RANBP17: variants seen among roughly 807,000 people sequenced by gnomAD.
RANBP17 encodes ran-binding protein 17.
In RANBP17, 158 loss-of-function variants were observed where a neutral mutation model predicts 141.2. The observed-to-expected ratio is 1.12, with a 90% CI of 0.98 to 1.28. The LOEUF (loss-of-function observed/expected upper bound fraction) is 1.28, where lower values mean the gene tolerates loss of function less well. Ranked by LOEUF, RANBP17 falls within the 50% of genes most tolerant of loss-of-function variation. The pLI is 0.00. For missense variants in RANBP17, 1,438 were observed against 1,290.7 expected, an observed-to-expected ratio of 1.11 and a Z score of -1.75; for synonymous variants, 430 against 450.0, an observed-to-expected ratio of 0.96 and a Z score of 0.56.
chr5:171,089,519 T>A (rs1400390099), intron 14 of RANBP17, among the ~76,000 whole-genome samples: 3 of 152,082 alleles, frequency 2.0e-5, no homozygotes, highest in Non-Finnish European at 4.4e-5. Flanking sequence ...TTTGTTTACC[T>A]AAGCAAGCCT....
At chr5:170,987,696 C>A (rs545081503) in intron 14 of RANBP17, among the ~76,000 whole-genome samples, 16 of 151,728 alleles carry the variant, frequency 1.1e-4, no homozygotes, top group African/African-American at 3.9e-4. Context: ...TTAAAAACGT[C>A]TTTGCTGTAT....
At chr5:171,068,794 T>A (rs1156323992) in intron 14 of RANBP17, among the ~76,000 whole-genome samples, 2 of 152,118 alleles carry the variant, frequency 1.3e-5, no homozygotes, top group Non-Finnish European at 2.9e-5. Context: ...TTTCACCATG[T>A]CGGCCAAGGT....
intron 14 of RANBP17, among the ~76,000 whole-genome samples, chr5:171,108,421 T>G (rs1039821811): frequency 6.6e-6 from 1 of 152,156 alleles, no homozygotes; most frequent in Admixed American, 6.6e-5. Context: ...TTTATTTATT[T>G]ATTTATTTTG....
At chr5:170,960,888 G>GCTGAGTA in intron 13 of RANBP17, among the ~76,000 whole-genome samples, 1 of 152,246 alleles carries the variant, frequency 6.6e-6, no homozygotes, top group South Asian at 2.1e-4. Flanking sequence ...CTGGGATACA[G>GCTGAGTA]GCTCCTGCCA....
At chr5:170,957,375 A>C (rs1775802033) in intron 13 of RANBP17, among the ~76,000 whole-genome samples, 1 of 152,130 alleles carries the variant, frequency 6.6e-6, no homozygotes, top group African/African-American at 2.4e-5. Flanking sequence ...TGAGACAATA[A>C]GAGAAAACAA....
chr5:171,223,355 TG>T (rs1763688320), intron 22 of RANBP17, among the ~76,000 whole-genome samples: 1 of 152,148 alleles, frequency 6.6e-6, no homozygotes, highest in Non-Finnish European at 1.5e-5. Context: ...TAAAGTGGGC[TG>T]GGCACAGTGG....
At chr5:171,141,775 A>G (rs1239469539) in intron 14 of RANBP17, among the ~76,000 whole-genome samples, 2 of 152,146 alleles carry the variant, frequency 1.3e-5, no homozygotes, top group Non-Finnish European at 2.9e-5. Flanking sequence ...CCAACATTCA[A>G]CTAAGTCACT....
chr5:171,054,484 C>T (rs1783208839), intron 14 of RANBP17, among the ~76,000 whole-genome samples: 1 of 152,112 alleles, frequency 6.6e-6, no homozygotes, highest in Admixed American at 6.5e-5. Flanking sequence ...TGTCATGGCA[C>T]TAGTGGGAGT....
chr5:170,902,597 G>A (rs1178139425), intron 5 of RANBP17, among the ~76,000 whole-genome samples: 1 of 152,196 alleles, frequency 6.6e-6, no homozygotes, highest in Admixed American at 6.5e-5. Context: ...AGGAGAACAG[G>A]TGTTCCAGTT....
intron 14 of RANBP17, among the ~76,000 whole-genome samples, chr5:171,069,100 G>GA (rs1391216943): frequency 2.6e-5 from 4 of 151,858 alleles, no homozygotes; most frequent in East Asian, 1.9e-4. Context: ...AAGTAAAGGA[G>GA]AAAAAAAATA....
chr5:171,059,208 T>G (rs1006470403), intron 14 of RANBP17, among the ~76,000 whole-genome samples: 4 of 152,104 alleles, frequency 2.6e-5, no homozygotes, highest in Non-Finnish European at 5.9e-5. Context: ...TTGCCATTGC[T>G]TTTGGTGTTT....
intron 5 of RANBP17, among the ~76,000 whole-genome samples, chr5:170,896,684 G>A (rs1306669482): frequency 2.6e-5 from 4 of 152,122 alleles, no homozygotes; most frequent in African/African-American, 2.4e-5. Flanking sequence ...ACAACAATTA[G>A]ATGGGCGTGG....
intron 14 of RANBP17, among the ~76,000 whole-genome samples, chr5:171,115,325 A>C (rs946008479): frequency 1.3e-5 from 2 of 152,152 alleles, no homozygotes; most frequent in Non-Finnish European, 2.9e-5. Flanking sequence ...AATTATTGAG[A>C]TCTAATACAA....
intron 25 of RANBP17, among the ~76,000 whole-genome samples, chr5:171,275,502 A>C (rs1158833008): frequency 6.6e-6 from 1 of 152,152 alleles, no homozygotes; most frequent in African/African-American, 2.4e-5. Flanking sequence ...TTCCATGTTT[A>C]CATTTCGGAG....
At chr5:171,120,047 A>C (rs543883633) in intron 14 of RANBP17, among the ~76,000 whole-genome samples, 43 of 151,810 alleles carry the variant, frequency 2.8e-4, no homozygotes, top group African/African-American at 9.7e-4. Flanking sequence ...CAAAAAAAAA[A>C]AAAAAAAAAA....
intron 14 of RANBP17, among the ~76,000 whole-genome samples, chr5:171,105,586 A>C (rs1305147598): frequency 6.6e-6 from 1 of 151,824 alleles, no homozygotes; most frequent in Non-Finnish European, 1.5e-5. Context: ...GTATGGTGGC[A>C]CACACCCTGT....
At chr5:171,218,707 G>T (rs114799136) in intron 21 of RANBP17, among the ~76,000 whole-genome samples, 5,903 of 151,844 alleles carry the variant, frequency 0.039, 367 homozygotes, top group African/African-American at 0.14. Flanking sequence ...TGTTTTATCA[G>T]AGACTAGATT....
At chr5:170,907,646 A>G (rs540893599) in intron 5 of RANBP17, among the ~76,000 whole-genome samples, 1 of 152,146 alleles carries the variant, frequency 6.6e-6, no homozygotes, top group South Asian at 2.1e-4. Flanking sequence ...ATCTTTTAAA[A>G]TCATCCTTTA....
At chr5:171,089,842 G>A (rs562326994) in intron 14 of RANBP17, among the ~76,000 whole-genome samples, 6 of 152,094 alleles carry the variant, frequency 3.9e-5, no homozygotes, top group Non-Finnish European at 7.4e-5. Context: ...GCACCCACTG[G>A]CCTGCGCCCA....
Sources: gnomAD v4.1 joint callset for allele counts (sites outside exome capture counted in the v4.1 genomes callset) on GRCh38, gnomAD v4.1.1 for gene constraint, MANE v1.5 for transcripts, NCBI Gene and HGNC (gene_info 2026-07-23, HGNC 2026-07-21) for gene names.